Variants in MAP7D2 observed in about 807,000 individuals in gnomAD.
MAP7D2 encodes MAP7 domain-containing protein 2.
In MAP7D2, 33 loss-of-function variants were observed where a neutral mutation model predicts 63.5. The ratio of observed to expected loss-of-function variants is 0.52; its 90% CI spans 0.39 to 0.70. The LOEUF (loss-of-function observed/expected upper bound fraction) is 0.70. MAP7D2 is among the 30% of genes least tolerant of loss of function. The pLI, the probability that MAP7D2 is intolerant of heterozygous loss-of-function variation, is 0.00. For missense variants in MAP7D2, 626 were observed against 604.0 expected (o/e 1.04, Z -0.38); for synonymous variants, 224 against 223.7 (o/e 1.00, Z -0.01).
chrX:20,044,585 G>A (rs778824404), intron 6 of MAP7D2, 61 bp from the exon 7 acceptor site: 1 of 1,029,535 alleles, frequency 9.7e-7, no homozygotes, highest in African/African-American at 1.9e-5. Flanking sequence ...AAGTAGAGCA[G>A]AGAGTTGGGA....
chrX:20,088,468 GTTTTTTTTT>G (rs779366726), intron 1 of MAP7D2, among the ~76,000 whole-genome samples: 5 of 41,074 alleles, frequency 1.2e-4, no homozygotes, highest in East Asian at 4.0e-3. Flanking sequence ...CTAATTTTCA[GTTTTTTTTT>G]TTTTTTTTTT....
At chrX:20,084,629 C>A (rs1489706275) in intron 1 of MAP7D2, among the ~76,000 whole-genome samples, 1 of 102,465 alleles carries the variant, frequency 9.8e-6, no homozygotes, top group Admixed American at 1.1e-4. Context: ...AGTGCACTGG[C>A]ACAATCTCGG....
At chrX:20,042,283 GC>G (rs2064678475) in intron 8 of MAP7D2, among the ~76,000 whole-genome samples, 1 of 111,608 alleles carries the variant, frequency 9.0e-6, no homozygotes, top group Non-Finnish European at 1.9e-5. Context: ...GTAAATAAAA[GC>G]CCTGTTACGC....
At chrX:20,060,408 GAAAAGAAA>G (rs1452485900) in intron 3 of MAP7D2, among the ~76,000 whole-genome samples, 18 of 82,686 alleles carry the variant, frequency 2.2e-4, no homozygotes, top group African/African-American at 8.3e-4. Flanking sequence ...GAAAAGAAAA[GAAAAGAAA>G]AGAGAGAGAG....
intron 1 of MAP7D2, among the ~76,000 whole-genome samples, chrX:20,088,090 A>G (rs1225948444): frequency 2.9e-5 from 3 of 103,903 alleles, no homozygotes; most frequent in Non-Finnish European, 5.9e-5. Flanking sequence ...TTGTAGAGAC[A>G]GGGTTTTACC....
At chrX:20,116,505 G>A (rs1266319039) in intron 1 of MAP7D2, 35 of 843,518 alleles carry the variant, frequency 4.1e-5, no homozygotes, top group Non-Finnish European at 5.1e-5. Context: ...CCCACCCTAA[G>A]CCACCCCCCA....
Position 20,010,935 on chromosome X carries a change from G to A in MAP7D2, c.2190C>T (p.Leu730=). ...ATGTCGGGGGACCAGTGAAATCTAA[G>A]AGATCTTGAAGTGCTCGGGCATTAC... ...GTGNARALQD[L]LDFTGPPTFP... The change falls in exon 16 of 17, where the codon CTC becomes CTT. Residue 730 remains leucine (L), a synonymous_variant. Transcript: ENST00000379643. The A allele has an allele frequency of 8.3e-7, 1 of 1,211,420 alleles. No homozygotes were observed. The highest frequency in any genetic ancestry group is 3.0e-5 in the East Asian group (1 of 33,827).
chrX:20,114,568 G>A (rs1033238463), intron 1 of MAP7D2, among the ~76,000 whole-genome samples: 9 of 112,063 alleles, frequency 8.0e-5, no homozygotes, highest in African/African-American at 2.9e-4. Flanking sequence ...AAAGAAAGAA[G>A]GCATCACTAG....
chrX:20,026,989 C>A (rs752288662), intron 8 of MAP7D2, among the ~76,000 whole-genome samples: 19 of 112,409 alleles, frequency 1.7e-4, no homozygotes, highest in Non-Finnish European at 2.3e-4. Flanking sequence ...ATAAAAATGG[C>A]AAATCACCCT....
chrX:20,039,201 T>C (rs1395865146), intron 8 of MAP7D2, among the ~76,000 whole-genome samples: 2 of 112,377 alleles, frequency 1.8e-5, no homozygotes, highest in Non-Finnish European at 1.9e-5. Context: ...TGTGCATGTA[T>C]ACCCTTACTC....
chrX:20,024,317 C>T (rs978619297), intron 10 of MAP7D2, among the ~76,000 whole-genome samples: 2 of 112,140 alleles, frequency 1.8e-5, no homozygotes, highest in African/African-American at 3.2e-5. Context: ...CAGAACAGGG[C>T]TGAGTCCATG....
intron 1 of MAP7D2, among the ~76,000 whole-genome samples, chrX:20,093,052 G>C (rs2066111928): frequency 1.8e-5 from 2 of 111,669 alleles, no homozygotes; most frequent in African/African-American, 6.5e-5. Context: ...TCTCTTGCTG[G>C]CCTAGCTCGC....
intron 4 of MAP7D2, among the ~76,000 whole-genome samples, chrX:20,054,896 T>C (rs2065035279): frequency 8.9e-6 from 1 of 112,196 alleles, no homozygotes; most frequent in Non-Finnish European, 1.9e-5. Flanking sequence ...TGCACCTTTC[T>C]TAGGGGGAAA....
At chrX:20,080,117 G>A (rs1417230063) in intron 1 of MAP7D2, among the ~76,000 whole-genome samples, 2 of 111,222 alleles carry the variant, frequency 1.8e-5, no homozygotes, top group Non-Finnish European at 3.8e-5. Flanking sequence ...ACAATTATAT[G>A]TAATTTCAAA....
In MAP7D2 at chrX:20,013,633, C is replaced by CA. The variant is rs778754153; in HGVS notation, c.1750-9dup. ...CATGATTTCATCTATTCTCTAAAAA[C>CA]AAAAAACAAAAAACAAAATCAAGTA... is the stretch of plus-strand genomic sequence containing the variant. On this transcript the variant is annotated splice_polypyrimidine_tract_variant and intron_variant, in intron 12 of 16. Transcript: ENST00000379643. 80 of 1,113,779 alleles carry CA rather than the reference C, an allele frequency of 7.2e-5. No homozygotes were observed. The highest frequency in any genetic ancestry group is 9.5e-5 in the Non-Finnish European group (78 of 819,818). 91.8% of individuals were successfully genotyped at this position (1,113,779 alleles called of 1,213,427 possible). A position where few individuals can be genotyped will look rare whatever the true frequency, so the allele number is the denominator to read the frequency against.
chrX:20,113,101 GCTAAGT>G (rs772768049), intron 1 of MAP7D2, among the ~76,000 whole-genome samples: 1 of 111,346 alleles, frequency 9.0e-6, no homozygotes, highest in Non-Finnish European at 1.9e-5. Context: ...TGAAGGTCCT[GCTAAGT>G]CTAAGTCCTA....
At position 20,025,726 on chromosome X, in the gene MAP7D2, C is replaced by T. The variant is rs138623135; in HGVS notation, c.1234G>A (p.Glu412Lys). 1.4e-5 allele frequency: 17 copies of T among 1,210,136 alleles called. No individual in the cohort carries two copies. Among genetic ancestry groups the T allele is most frequent in the African/African-American group, 1.0e-4 (6 of 57,234 alleles). Reference sequence around the variant, plus strand: ...CCTCCTGCGGCAGCAGCATGCTTCTCGCTGGCATGCTTGTCCACTACATGC... The same window carrying T: ...CCTCCTGCGGCAGCAGCATGCTTCTTGCTGGCATGCTTGTCCACTACATGC... ...EKHVVDKHASEKHAAAAGGKA... is the reference protein window; with the variant it reads ...EKHVVDKHASKKHAAAAGGKA... Residue 412 changes from glutamate to lysine, a missense_variant, in exon 9 of 17, where the codon GAG becomes AAG. By Grantham distance (56) the Glu-to-Lys change is moderately conservative. Transcript: ENST00000379643.
intron 1 of MAP7D2, among the ~76,000 whole-genome samples, chrX:20,068,841 A>G (rs915189112): frequency 2.7e-5 from 3 of 111,879 alleles, no homozygotes; most frequent in African/African-American, 9.8e-5. Flanking sequence ...GATAATTTCA[A>G]TCATGGGGGC....
intron 1 of MAP7D2, among the ~76,000 whole-genome samples, chrX:20,077,950 C>T (rs1174776820): frequency 2.7e-5 from 3 of 111,940 alleles, no homozygotes; most frequent in Non-Finnish European, 5.6e-5. Context: ...AATGAGAGAT[C>T]CTGTCTTCAG....
Sources: gnomAD v4.1 joint callset for allele counts (sites outside exome capture counted in the v4.1 genomes callset) on GRCh38, gnomAD v4.1.1 for gene constraint, MANE v1.5 for transcripts, NCBI Gene and HGNC (gene_info 2026-07-23, HGNC 2026-07-21) for gene names.